MAP4K3: variants seen among roughly 807,000 people sequenced by gnomAD.
MAP4K3 encodes MAPK/ERK kinase kinase kinase 3.
Under a neutral mutation model 143.5 loss-of-function variants are expected in MAP4K3, and 94 were observed. The observed-to-expected ratio is 0.65, with a 90% CI of 0.55 to 0.78. MAP4K3 has a LOEUF of 0.78. Among genes scored for constraint, MAP4K3 ranks in the 30% least tolerant of loss-of-function variants. The pLI, the probability that MAP4K3 is intolerant of heterozygous loss-of-function variation, is 0.00. For synonymous variants in MAP4K3, 416 were observed against 347.2 expected (o/e 1.20, Z -2.20); for missense variants, 1,077 against 1,068.1 (o/e 1.01, Z -0.12).
intron 16 of MAP4K3, among the ~76,000 whole-genome samples, chr2:39,299,076 T>A (rs1682404443): frequency 6.6e-6 from 1 of 152,148 alleles, no homozygotes; most frequent in African/African-American, 2.4e-5. Context: ...TTAGTTTTTA[T>A]CATAATTTAT....
At chr2:39,326,336 C>T (rs1387521787) in intron 8 of MAP4K3, 59 bp from the exon 9 acceptor site, 4 of 1,555,630 alleles carry the variant, frequency 2.6e-6, no homozygotes, top group African/African-American at 1.4e-5. Flanking sequence ...TTTATACTCC[C>T]ACCCAGAGGC....
chr2:39,267,112 C>A, intron 27 of MAP4K3, 77 bp downstream of exon 27: 1 of 1,349,400 alleles, frequency 7.4e-7, no homozygotes, highest in Non-Finnish European at 1.1e-6. Context: ...TGGCAGAATG[C>A]CCTGGGGTAG....
chr2:39,266,319 C>A (rs1462251615), intron 27 of MAP4K3, among the ~76,000 whole-genome samples: 3 of 152,186 alleles, frequency 2.0e-5, no homozygotes, highest in Non-Finnish European at 2.9e-5. Flanking sequence ...CCCAGATACT[C>A]CTTCCCTGCT....
intron 26 of MAP4K3, 122 bp from the exon 27 acceptor site, chr2:39,267,369 C>A: frequency 1.4e-6 from 1 of 725,692 alleles, no homozygotes; most frequent in Non-Finnish European, 2.4e-6. Flanking sequence ...ACTAGCTCAT[C>A]TATTAAAATT....
chr2:39,265,538 A>C (rs1467638848), intron 27 of MAP4K3, among the ~76,000 whole-genome samples: 2 of 152,218 alleles, frequency 1.3e-5, no homozygotes, highest in Non-Finnish European at 2.9e-5. Context: ...GCACAAATGA[A>C]ACTGCTGGTT....
chr2:39,433,855 T>C (rs1452458512), intron 1 of MAP4K3, among the ~76,000 whole-genome samples: 3 of 151,210 alleles, frequency 2.0e-5, no homozygotes, highest in Non-Finnish European at 4.5e-5. Context: ...CTGAAAAAAA[T>C]AAAGATAACT....
intron 20 of MAP4K3, among the ~76,000 whole-genome samples, chr2:39,287,651 C>G (rs1681855954): frequency 6.6e-6 from 1 of 152,218 alleles, no homozygotes; most frequent in East Asian, 1.9e-4. Flanking sequence ...ACAGAGGAGT[C>G]TTTACAGTGT....
intron 1 of MAP4K3, among the ~76,000 whole-genome samples, chr2:39,395,835 C>A (rs1039371980): frequency 6.6e-6 from 1 of 152,034 alleles, no homozygotes; most frequent in Non-Finnish European, 1.5e-5. Context: ...GGGGGAGAAA[C>A]TGAGATTTCA....
In MAP4K3 at chr2:39,325,600, C is replaced by T. The variant is rs778382212; in HGVS notation, c.836G>A (p.Arg279Gln). Residue 279 changes from arginine (R) to glutamine (Q), a missense_variant, in exon 12 of 34, where the codon CGG becomes CAG. Around this residue, in one of 2 missense-constraint regions of MAP4K3, gnomAD observed 864 missense variants for 801.2 expected, o/e 1.08. Coordinates refer to ENST00000263881, the MANE Select transcript of MAP4K3 (RefSeq NM_003618.4). ...ATCCAACAGCTCGATTGCCAAAGAC[C>T]GTGTCAAATGTTGTGTTACAAAAGG... ...QHPFVTQHLT[R>Q]SLAIELLDKV... The T allele has an allele frequency of 5.6e-6, 9 of 1,612,762 alleles. No individual in the cohort carries two copies. The highest frequency in any genetic ancestry group is 4.0e-5 in the African/African-American group (3 of 74,758).
At chr2:39,265,402 A>G (rs1680727064) in intron 27 of MAP4K3, 96 bp from the exon 28 acceptor site, 3 of 813,770 alleles carry the variant, frequency 3.7e-6, no homozygotes, top group Non-Finnish European at 6.3e-6. Context: ...TAAACAAACT[A>G]AACATAAAAC....
intron 7 of MAP4K3, among the ~76,000 whole-genome samples, chr2:39,332,726 A>AT (rs1683721396): frequency 6.6e-6 from 1 of 152,066 alleles, no homozygotes; most frequent in African/African-American, 2.4e-5. Context: ...AGAACAGGAC[A>AT]TATCTTTTCT....
intron 26 of MAP4K3, chr2:39,267,474 C>T (rs1680813370): frequency 2.3e-6 from 1 of 443,270 alleles, no homozygotes. Flanking sequence ...ACTTCGAGAC[C>T]AGCCTGGCCA....
chr2:39,388,682 A>G (rs777094952), intron 1 of MAP4K3, among the ~76,000 whole-genome samples: 2 of 152,196 alleles, frequency 1.3e-5, no homozygotes, highest in African/African-American at 4.8e-5. Context: ...TAGAATCAAA[A>G]TATCTTCCCT....
chr2:39,308,752 AAAC>A (rs1328175827), intron 14 of MAP4K3, among the ~76,000 whole-genome samples: 31 of 152,144 alleles, frequency 2.0e-4, no homozygotes, highest in Non-Finnish European at 5.9e-5. Context: ...GGAGTATATA[AAAC>A]AACAACAAAA....
At chr2:39,307,152 A>G (rs1223224718) in intron 15 of MAP4K3, among the ~76,000 whole-genome samples, 3 of 152,238 alleles carry the variant, frequency 2.0e-5, no homozygotes, top group Non-Finnish European at 4.4e-5. Flanking sequence ...GGAAGGAAAG[A>G]TAAGGAAAAT....
chr2:39,292,631 A>T (rs1006006180), intron 18 of MAP4K3, 142 bp downstream of exon 18: 2 of 725,380 alleles, frequency 2.8e-6, no homozygotes, highest in African/African-American at 3.6e-5. Flanking sequence ...TAACTAGAAT[A>T]GAAAAAAGGA....
In MAP4K3 at chr2:39,337,594, A is replaced by C. The variant is rs1290259810; in HGVS notation, c.311-13T>G. 2 of 1,582,426 alleles carry C rather than the reference A, an allele frequency of 1.3e-6. No homozygotes were observed. The highest frequency in any genetic ancestry group is 3.4e-5 in the Admixed American group (2 of 59,438). On this transcript the variant is annotated splice_polypyrimidine_tract_variant and intron_variant, in intron 4 of 33. Coordinates refer to ENST00000263881, the MANE Select transcript of MAP4K3 (RefSeq NM_003618.4). The stretch of plus-strand genomic sequence containing the variant: ...AGAGGTCCAGTTACTGTAAAAGAAG[A>C]CAATTAATACTCATAAAATTAGTCA...
At chr2:39,370,991 C>T (rs1216935828) in intron 2 of MAP4K3, among the ~76,000 whole-genome samples, 3 of 152,156 alleles carry the variant, frequency 2.0e-5, no homozygotes, top group Non-Finnish European at 4.4e-5. Context: ...GCAAGCTCTG[C>T]CATAGCTCTC....
At chr2:39,417,552 T>C (rs1013480165) in intron 1 of MAP4K3, among the ~76,000 whole-genome samples, 1 of 152,142 alleles carries the variant, frequency 6.6e-6, no homozygotes, top group South Asian at 2.1e-4. Context: ...ATTAGGAAAC[T>C]ACAGATAAAC....
Sources: gnomAD v4.1 joint callset for allele counts (sites outside exome capture counted in the v4.1 genomes callset) on GRCh38, gnomAD v4.1.1 for gene constraint, gnomAD v4.1.1 regional missense constraint, MANE v1.5 for transcripts, NCBI Gene and HGNC (gene_info 2026-07-23, HGNC 2026-07-21) for gene names.